KANK4: variants seen among roughly 807,000 people sequenced by gnomAD.
The protein encoded by KANK4 is KN motif and ankyrin repeat domains 4.
KANK4 carries 50 observed loss-of-function variants against 80.8 expected under a neutral mutation model. The observed-to-expected ratio is 0.62, with a 90% CI of 0.49 to 0.78. KANK4 has a LOEUF of 0.78. KANK4 is among the 30% of genes least tolerant of loss of function. KANK4 has a pLI of 0.00. For missense variants in KANK4, 1,196 were observed against 1,240.1 expected, an observed-to-expected ratio of 0.96 and a Z score of 0.53; for synonymous variants, 465 against 506.9, an observed-to-expected ratio of 0.92 and a Z score of 1.11.
intron 1 of KANK4, among the ~76,000 whole-genome samples, chr1:62,309,605 T>C (rs1644481530): frequency 6.6e-6 from 1 of 152,208 alleles, no homozygotes; most frequent in Non-Finnish European, 1.5e-5. Flanking sequence ...ATTAACTAGT[T>C]ATTATGTGCC....
intron 1 of KANK4, among the ~76,000 whole-genome samples, chr1:62,286,233 CAGGGAGGACTCGTCTCCT>C (rs1331753187): frequency 6.6e-6 from 1 of 152,250 alleles, no homozygotes; most frequent in Non-Finnish European, 1.5e-5. Flanking sequence ...TAGCCCACAG[CAGGGAGGACTCGTCTCCT>C]TCCCAGAAAG....
In KANK4 at chr1:62,273,981, C is replaced by T. The variant is rs1223822426; in HGVS notation, c.1123G>A (p.Glu375Lys). 6.2e-7 allele frequency: 1 copy of T among 1,614,090 alleles called. No homozygotes were observed. Among genetic ancestry groups the T allele is most frequent in the Non-Finnish European group, 8.5e-7 (1 of 1,180,054 alleles). The change falls in exon 3 of 10, where the codon GAG (glutamate) becomes AAG (lysine). Residue 375 changes from glutamate (E) to lysine (K), a missense_variant. By Grantham distance (56) the Glu-to-Lys change is moderately conservative. This residue lies in a region of KANK4 where 1,154 missense variants were observed against 1,179.6 expected (regional missense o/e 0.98). Transcript: ENST00000371153. ...QVRTALQQQE[E>K]EIKAREQRIR... is the part of the protein sequence containing the mutation. Reference sequence around the variant, plus strand: ...CTTTGCTCCCTAGCTTTGATTTCCTCTTCCTGCTGCTGGAGAGCAGTTCTG... The same window carrying T: ...CTTTGCTCCCTAGCTTTGATTTCCTTTTCCTGCTGCTGGAGAGCAGTTCTG...
chr1:62,253,043 G>A, intron 8 of KANK4, 24 bp downstream of exon 8: 1 of 1,612,012 alleles, frequency 6.2e-7, no homozygotes, highest in East Asian at 2.2e-5. Flanking sequence ...TTACTGAAGA[G>A]GAGATCCTGT....
intron 7 of KANK4, 81 bp from the exon 8 acceptor site, chr1:62,253,290 C>CT (rs1240020431): frequency 1.1e-5 from 15 of 1,378,968 alleles, no homozygotes; most frequent in Non-Finnish European, 1.5e-5. Flanking sequence ...CAATGGGACA[C>CT]TGCTCGCTGG....
chr1:62,268,637 C>G (rs1672087806), intron 4 of KANK4, 132 bp from the exon 5 acceptor site: 8 of 706,398 alleles, frequency 1.1e-5, no homozygotes, highest in Non-Finnish European at 1.7e-5. Flanking sequence ...TCTACACCTG[C>G]CGGCAGGGTG....
At chr1:62,251,937 A>T (rs1454796323) in intron 8 of KANK4, among the ~76,000 whole-genome samples, 4 of 149,988 alleles carry the variant, frequency 2.7e-5, no homozygotes, top group Non-Finnish European at 5.9e-5. Flanking sequence ...GGTTGCGGTG[A>T]GCCGAGATCA....
chr1:62,251,466 C>T (rs1671615869), intron 8 of KANK4, among the ~76,000 whole-genome samples: 1 of 152,170 alleles, frequency 6.6e-6, no homozygotes, highest in African/African-American at 2.4e-5. Context: ...ATACTCCATT[C>T]ATTCCTGTAG....
intron 7 of KANK4, among the ~76,000 whole-genome samples, chr1:62,254,581 A>T (rs1671705439): frequency 1.4e-5 from 2 of 138,718 alleles, no homozygotes; most frequent in Admixed American, 7.3e-5. Flanking sequence ...TTTTTCAGAC[A>T]GTCTCTCTGT....
At chr1:62,318,624 G>C (rs1571064942) in intron 1 of KANK4, among the ~76,000 whole-genome samples, 2 of 152,228 alleles carry the variant, frequency 1.3e-5, no homozygotes, top group African/African-American at 4.8e-5. Context: ...ACAGGAGAGA[G>C]ACTAAGAGCT....
intron 1 of KANK4, among the ~76,000 whole-genome samples, chr1:62,301,045 C>G (rs2149166689): frequency 6.6e-6 from 1 of 152,072 alleles, no homozygotes; most frequent in Non-Finnish European, 1.5e-5. Flanking sequence ...TGAGTGTTGG[C>G]TTTGTCTTCC....
Position 62,274,569 on chromosome 1 carries a change from C to T in KANK4, c.535G>A (p.Gly179Ser). The T allele has an allele frequency of 6.2e-7, 1 of 1,614,058 alleles. No homozygotes were observed. Among genetic ancestry groups the T allele is most frequent in the Non-Finnish European group, 8.5e-7 (1 of 1,179,924 alleles). ...GGGGCAGGGGGCCCCAGGCTCAGGC[C>T]TGGCTCCTCAGAAGCCCTGCTGTGC... ...LLHSRASEEPGLSLGPPAPPA... is the reference protein window; with the variant it reads ...LLHSRASEEPSLSLGPPAPPA... The change falls in exon 3 of 10, where the codon GGC becomes AGC. Residue 179 changes from glycine to serine, a missense_variant. Gly to Ser is a moderately conservative substitution (Grantham distance 56, BLOSUM62 0). Transcript: ENST00000371153.
At chr1:62,267,034 T>C (rs1337027012) in intron 5 of KANK4, among the ~76,000 whole-genome samples, 1 of 151,994 alleles carries the variant, frequency 6.6e-6, no homozygotes, top group Non-Finnish European at 1.5e-5. Context: ...GCCGAGTGTG[T>C]TGCCCATTTA....
chr1:62,244,784 G>C (rs1196687274), intron 9 of KANK4, among the ~76,000 whole-genome samples: 1 of 152,104 alleles, frequency 6.6e-6, no homozygotes, highest in African/African-American at 2.4e-5. Flanking sequence ...TCAAACTCCT[G>C]GGCTCAAGCA....
chr1:62,316,227 TA>T (rs1169224928), intron 1 of KANK4, among the ~76,000 whole-genome samples: 1 of 152,220 alleles, frequency 6.6e-6, no homozygotes, highest in Non-Finnish European at 1.5e-5. Context: ...CTCCTCCAGC[TA>T]AAACAGATGT....
chr1:62,242,692 A>G (rs1200977061), intron 9 of KANK4, among the ~76,000 whole-genome samples: 1 of 152,168 alleles, frequency 6.6e-6, no homozygotes, highest in African/African-American at 2.4e-5. Context: ...CGAACTTTAA[A>G]TGTTGATGAA....
intron 8 of KANK4, among the ~76,000 whole-genome samples, chr1:62,252,122 G>A (rs890611430): frequency 9.2e-5 from 14 of 152,222 alleles, no homozygotes; most frequent in African/African-American, 2.7e-4. Flanking sequence ...CCTGGAGCTG[G>A]AGACCAAGCA....
At chr1:62,306,527 AC>A (rs1224297321) in intron 1 of KANK4, among the ~76,000 whole-genome samples, 2 of 152,016 alleles carry the variant, frequency 1.3e-5, no homozygotes, top group African/African-American at 2.4e-5. Flanking sequence ...TGCTCTAACC[AC>A]CAGTTCTTGA....
At position 62,263,084 on chromosome 1, in the gene KANK4, C is replaced by T. The variant is rs1246575558; in HGVS notation, c.2539+8G>A. ...GACCCAGACTGTATGAATGCAACCACTTCTGACCTGTCTCCAGCAGCAGCT... is the reference window on the plus strand; with the variant it reads ...GACCCAGACTGTATGAATGCAACCATTTCTGACCTGTCTCCAGCAGCAGCT... On this transcript the variant is annotated splice_region_variant and intron_variant, in intron 7 of 9. Transcript: ENST00000371153. 3 of 1,606,580 alleles carry T rather than the reference C, an allele frequency of 1.9e-6. No homozygotes were observed. The highest frequency in any genetic ancestry group is 2.6e-6 in the Non-Finnish European group (3 of 1,174,422).
At chr1:62,265,647 C>T (rs1167309828) in intron 6 of KANK4, among the ~76,000 whole-genome samples, 2 of 152,182 alleles carry the variant, frequency 1.3e-5, no homozygotes, top group African/African-American at 2.4e-5. Context: ...ATCGTTTTTA[C>T]TTCTAGGGCT....
Sources: allele counts gnomAD v4.1 joint callset (sites outside exome capture counted in the v4.1 genomes callset), GRCh38; gene constraint gnomAD v4.1.1; regional missense constraint gnomAD v4.1.1; transcripts MANE v1.5; gene names NCBI Gene and HGNC (gene_info 2026-07-23, HGNC 2026-07-21).